Variants in PDS5B observed in about 807,000 individuals in gnomAD.
PDS5B encodes the protein sister chromatid cohesion protein PDS5 homolog B.
A neutral mutation model predicts 184.1 loss-of-function variants in PDS5B; 51 were observed. The ratio of observed to expected loss-of-function variants is 0.28; its 90% CI spans 0.22 to 0.35. The LOEUF is 0.35. Among genes scored for constraint, PDS5B ranks in the 10% least tolerant of loss-of-function variants. The pLI is 1.00. For synonymous variants in PDS5B, 566 were observed against 569.2 expected (o/e 0.99, Z 0.08); for missense variants, 1,180 against 1,723.3 (o/e 0.68, Z 5.58).
intron 19 of PDS5B, among the ~76,000 whole-genome samples, chr13:32,720,623 ATTTAT>A (rs1187210052): frequency 5.3e-5 from 8 of 151,170 alleles, no homozygotes; most frequent in Admixed American, 1.3e-4. Context: ...TTATTTATTT[ATTTAT>A]TTTATTATTT....
chr13:32,663,372 A>G (rs1434068935), intron 6 of PDS5B, among the ~76,000 whole-genome samples: 1 of 152,090 alleles, frequency 6.6e-6, no homozygotes, highest in Admixed American at 6.5e-5. Flanking sequence ...TAAAATAGTA[A>G]TTTCCAGAAT....
chr13:32,772,009 TCA>T (rs888414994), intron 33 of PDS5B, among the ~76,000 whole-genome samples: 1 of 152,082 alleles, frequency 6.6e-6, no homozygotes, highest in African/African-American at 2.4e-5. Flanking sequence ...TATCTTCCTT[TCA>T]CTGGGAAGCT....
In PDS5B at chr13:32,770,154, A is replaced by G; in HGVS notation, c.3658A>G (p.Thr1220Ala). Residue 1220 changes from threonine to alanine, a missense_variant, in exon 32 of 35, where the codon ACG becomes GCG. Thr to Ala is a moderately conservative substitution (Grantham distance 58). Transcript: ENST00000315596. ...ELEKPRGRKK[T>A]PVTEQEEKLG... ...GGAGAAGCCTAGAGGCAGGAAAAAA[A>G]CGCCCGTCACAGAACAGGAGGAGAA... is the stretch of plus-strand genomic sequence containing the variant. 6.2e-7 allele frequency: 1 copy of G among 1,613,226 alleles called. No individual in the cohort carries two copies.
intron 9 of PDS5B, 60 bp from the exon 10 acceptor site, chr13:32,678,775 T>A: frequency 1.0e-6 from 1 of 967,496 alleles, no homozygotes; most frequent in Non-Finnish European, 1.7e-6. Context: ...TGGGTACAGA[T>A]TTAACACATG....
chr13:32,735,956 T>C (rs73452739), intron 21 of PDS5B, among the ~76,000 whole-genome samples: 1,598 of 152,256 alleles, frequency 0.01, 40 homozygotes, highest in African/African-American at 0.036. Flanking sequence ...TCTTTTCTTA[T>C]TTTTGATTAA....
chr13:32,752,063 AGTGTAAG>A (rs149449577), intron 24 of PDS5B, among the ~76,000 whole-genome samples: 56,663 of 151,530 alleles, frequency 0.37, 11,177 homozygotes, highest in Non-Finnish European at 0.45. Context: ...TAATTGGTGG[AGTGTAAG>A]GTGTAATCAT....
Position 32,770,309 on chromosome 13 carries a change from A to C in PDS5B, c.3813A>C (p.Lys1271Asn). ...AGTGGCCTGAGGAAAAGAGGCTCAAAGAAGATATATTAGAAAATGAAGATG... is the reference window on the plus strand; with the variant it reads ...AGTGGCCTGAGGAAAAGAGGCTCAACGAAGATATATTAGAAAATGAAGATG... ...EQQWPEEKRL[K>N]EDILENEDEQ... is the part of the protein sequence containing the mutation. The change falls in exon 32 of 35, where the codon AAA becomes AAC. Residue 1271 changes from lysine to asparagine, a missense_variant. Physicochemically the swap from Lys to Asn is moderately conservative, Grantham distance 94. Coordinates refer to ENST00000315596, the MANE Select transcript of PDS5B (RefSeq NM_015032.4). The C allele has an allele frequency of 6.2e-7, 1 of 1,614,078 alleles. No individual in the cohort carries two copies. Among genetic ancestry groups the C allele is most frequent in the South Asian group, 1.1e-5 (1 of 91,072 alleles).
chr13:32,608,839 G>C (rs564612874), intron 1 of PDS5B, among the ~76,000 whole-genome samples: 1 of 152,184 alleles, frequency 6.6e-6, no homozygotes, highest in South Asian at 2.1e-4. Flanking sequence ...CTGTGCCACC[G>C]AAGGTGAACC....
At chr13:32,614,472 A>G (rs904859313) in intron 1 of PDS5B, among the ~76,000 whole-genome samples, 1 of 151,682 alleles carries the variant, frequency 6.6e-6, no homozygotes, top group Non-Finnish European at 1.5e-5. Flanking sequence ...TAATTTTTGT[A>G]TTTTTAGTAG....
chr13:32,601,282 C>CAATA (rs890133901), intron 1 of PDS5B, among the ~76,000 whole-genome samples: 11 of 152,120 alleles, frequency 7.2e-5, no homozygotes, highest in African/African-American at 2.7e-4. Context: ...GAATTCTATT[C>CAATA]CACCATGTCC....
chr13:32,710,008 T>C lies in PDS5B; in HGVS notation c.2025T>C (p.Ala675=). Residue 675 remains alanine, a synonymous_variant, in exon 19 of 35, where the codon GCT becomes GCC. Coordinates refer to ENST00000315596, the MANE Select transcript of PDS5B (RefSeq NM_015032.4). ...HSAETFESLL[A]CLKMDDEKVA... is the part of the protein sequence containing the mutation. ...CTGAAACATTTGAATCATTACTGGC[T>C]TGTCTGAAAATGGATGATGAAAAAG... is the stretch of plus-strand genomic sequence containing the variant. 1 of 1,555,222 alleles carries C rather than the reference T, an allele frequency of 6.4e-7. No individual in the cohort carries two copies. Among genetic ancestry groups the C allele is most frequent in the Non-Finnish European group, 8.8e-7 (1 of 1,140,670 alleles).
intron 2 of PDS5B, among the ~76,000 whole-genome samples, chr13:32,651,122 C>T (rs1312416314): frequency 2.0e-5 from 3 of 152,096 alleles, no homozygotes; most frequent in African/African-American, 4.8e-5. Context: ...TTCTATTCAC[C>T]TTTTATAGAA....
chr13:32,660,790 A>T (rs1470208450), intron 6 of PDS5B, among the ~76,000 whole-genome samples: 2 of 152,044 alleles, frequency 1.3e-5, no homozygotes, highest in African/African-American at 4.8e-5. Context: ...GAATCATAGG[A>T]TCTTCCAAAC....
At chr13:32,760,406 A>T (rs976967228) in intron 29 of PDS5B, among the ~76,000 whole-genome samples, 169 bp from the exon 30 acceptor site, 1 of 152,188 alleles carries the variant, frequency 6.6e-6, no homozygotes, top group African/African-American at 2.4e-5. Context: ...TATAGTTTTT[A>T]ATTTGTTCAA....
intron 19 of PDS5B, among the ~76,000 whole-genome samples, chr13:32,726,459 A>C (rs970484067): frequency 4.6e-5 from 7 of 152,174 alleles, no homozygotes; most frequent in Admixed American, 4.6e-4. Flanking sequence ...AGTTCTTAGA[A>C]ATAGAAGAGT....
chr13:32,742,189 T>C (rs1953583166), intron 22 of PDS5B, among the ~76,000 whole-genome samples: 1 of 152,204 alleles, frequency 6.6e-6, no homozygotes, highest in South Asian at 2.1e-4. Context: ...GGTGTAAAAA[T>C]ACTTTAAATA....
At chr13:32,676,634 TAAAC>T (rs775879552) in intron 9 of PDS5B, among the ~76,000 whole-genome samples, 13 of 152,036 alleles carry the variant, frequency 8.6e-5, no homozygotes, top group Non-Finnish European at 1.5e-4. Flanking sequence ...AGTTAAGTCA[TAAAC>T]AAACAAGATC....
intron 21 of PDS5B, among the ~76,000 whole-genome samples, chr13:32,736,377 A>C (rs998802195): frequency 1.3e-5 from 2 of 152,022 alleles, no homozygotes; most frequent in East Asian, 3.9e-4. Context: ...TTAATTTTTT[A>C]AAGGATGCTT....
intron 8 of PDS5B, among the ~76,000 whole-genome samples, chr13:32,674,786 A>G (rs1161039022): frequency 6.6e-6 from 1 of 152,166 alleles, no homozygotes; most frequent in East Asian, 1.9e-4. Context: ...ACAAAGAATT[A>G]TAATTGGAAG....
Sources: allele counts gnomAD v4.1 joint callset (sites outside exome capture counted in the v4.1 genomes callset), GRCh38; gene constraint gnomAD v4.1.1; transcripts MANE v1.5; gene names NCBI Gene and HGNC (gene_info 2026-07-23, HGNC 2026-07-21).